Variants in NPNT observed in about 807,000 individuals in gnomAD.
NPNT encodes preosteoblast EGF-like repeat protein with MAM domain.
NPNT carries 45 observed loss-of-function variants against 68.6 expected under a neutral mutation model. The ratio of observed to expected loss-of-function variants is 0.66; its 90% CI spans 0.52 to 0.84. The LOEUF (loss-of-function observed/expected upper bound fraction) is 0.84, where lower values mean the gene tolerates loss of function less well. NPNT is among the 40% of genes least tolerant of loss of function. The pLI is 0.00. For synonymous variants in NPNT, 233 were observed against 253.3 expected (o/e 0.92, Z 0.76); for missense variants, 672 against 714.8 (o/e 0.94, Z 0.68).
At chr4:105,967,138 C>T in intron 10 of NPNT, 50 bp from the exon 11 acceptor site, 3 of 1,548,162 alleles carry the variant, frequency 1.9e-6, no homozygotes, top group Non-Finnish European at 2.7e-6. Flanking sequence ...GCTGCTTGTT[C>T]TAGAAAGGGA....
rs145313103 is a variant in NPNT, at chr4:105,940,725, T to C, written c.763+89T>C. ...TTGCTAGGGAAAATAAGGAATAAGA[T>C]TATCAAAGAAGTATAATTGTCATAA... On this transcript the variant is annotated intron_variant, in intron 7 of 11. Coordinates refer to ENST00000379987, the MANE Select transcript of NPNT (RefSeq NM_001033047.3). 330 of 1,147,930 alleles carry C rather than the reference T, an allele frequency of 2.9e-4. 2 individuals are homozygous for C. In the East Asian group the frequency reaches 7.9e-3, roughly 28 times the overall value. The allele number at this position is 1,147,930 out of a possible 1,614,324, so 71.1% of individuals were successfully genotyped here.
chr4:105,965,207 T>C (rs879669322), intron 10 of NPNT, among the ~76,000 whole-genome samples: 1 of 152,136 alleles, frequency 6.6e-6, no homozygotes, highest in Admixed American at 6.5e-5. Context: ...TGAATGAATG[T>C]TTAATATAAT....
chr4:105,967,585 C>T lies in NPNT; in HGVS notation c.1602+141C>T, dbSNP rs573086387. The T allele has an allele frequency of 1.8e-4, 125 of 689,290 alleles. 1 individual carries two copies. In the African/African-American group the frequency reaches 2.2e-3, roughly 12 times the overall value. The allele number at this position is 689,290 out of a possible 1,614,324, so 42.7% of individuals were successfully genotyped here. A position where few individuals can be genotyped will look rare whatever the true frequency, so the allele number is the denominator to read the frequency against. ...GGTTTTTTTCTGGGCCTGATGACTC[C>T]ATTCAGTGTCTCTTTCTGAAACCAC... is the stretch of plus-strand genomic sequence containing the variant. On this transcript the variant is annotated intron_variant, in intron 11 of 11. Transcript: ENST00000379987.
At chr4:105,931,818 C>T (rs1729134593) in intron 3 of NPNT, among the ~76,000 whole-genome samples, 2 of 151,928 alleles carry the variant, frequency 1.3e-5, no homozygotes, top group Admixed American at 1.3e-4. Context: ...CCAGCCTGGG[C>T]AACAGAGCAA....
At position 105,967,206 on chromosome 4, in the gene NPNT, T is replaced by G. The variant is rs748094356; in HGVS notation, c.1364T>G (p.Val455Gly). The G allele has an allele frequency of 6.8e-6, 11 of 1,613,582 alleles. No homozygotes were observed. The highest frequency in any genetic ancestry group is 9.3e-6 in the Non-Finnish European group (11 of 1,179,962). The change falls in exon 11 of 12, where the codon GTG becomes GGG. Residue 455 changes from valine to glycine, a missense_variant. Physicochemically the swap from Val to Gly is moderately radical, Grantham distance 109. Coordinates refer to ENST00000379987, the MANE Select transcript of NPNT (RefSeq NM_001033047.3). ...ATTCCAGGTGGACAATATCTGACAG[T>G]GTCGGCAGCCAAAGCCCCAGGGGGA... ...RDPAGGQYLT[V>G]SAAKAPGGKA...
chr4:105,937,351 G>T (rs1385118185), intron 4 of NPNT, among the ~76,000 whole-genome samples: 1 of 151,216 alleles, frequency 6.6e-6, no homozygotes, highest in African/African-American at 2.4e-5. Context: ...TTAGGAAATG[G>T]TGTTTAGAAT....
chr4:105,930,689 G>T (rs1428752081), intron 3 of NPNT, among the ~76,000 whole-genome samples: 1 of 152,126 alleles, frequency 6.6e-6, no homozygotes, highest in Non-Finnish European at 1.5e-5. Context: ...GTAGCTTTTG[G>T]TATATGACAA....
chr4:105,908,756 G>C (rs150784368), intron 2 of NPNT, among the ~76,000 whole-genome samples: 239 of 152,064 alleles, frequency 1.6e-3, no homozygotes, highest in African/African-American at 5.4e-3. Flanking sequence ...GCAGAGACAG[G>C]GTTTTACCAT....
rs1053455201 is a variant in NPNT, at chr4:105,970,159, G to A, written c.*1169G>A. 4.0e-6 allele frequency: 2 copies of A among 494,338 alleles called. No homozygotes were observed. The highest frequency in any genetic ancestry group is 1.9e-5 in the African/African-American group (1 of 51,982). The allele number at this position is 494,338 out of a possible 1,614,324, so 30.6% of individuals were successfully genotyped here. On this transcript the variant is annotated 3_prime_UTR_variant, in exon 12 of 12. Coordinates refer to ENST00000379987, the MANE Select transcript of NPNT (RefSeq NM_001033047.3). The stretch of plus-strand genomic sequence containing the variant: ...GTGCTGTGTCAGGATGGGATAGGAA[G>A]CAAGTCCCATGCTTAGAGGCATGGG...
chr4:105,930,343 T>C (rs545065256), intron 3 of NPNT, among the ~76,000 whole-genome samples: 51 of 152,320 alleles, frequency 3.3e-4, no homozygotes, highest in African/African-American at 1.1e-3. Context: ...CTTGAAAGGG[T>C]TCCACCAGTT....
chr4:105,938,294 T>C lies in NPNT; in HGVS notation c.386-7T>C, dbSNP rs1729652651. ...CTGTCTGAGTCAGCCAGTCACTCTC[T>C]TTCCAGGTGCCCTGACCTGCTCCAT... On this transcript the variant is annotated splice_region_variant and splice_polypyrimidine_tract_variant and intron_variant, in intron 4 of 11. Coordinates refer to ENST00000379987, the MANE Select transcript of NPNT (RefSeq NM_001033047.3). 2 of 1,612,114 alleles carry C rather than the reference T, an allele frequency of 1.2e-6. No individual in the cohort carries two copies. The highest frequency in any genetic ancestry group is 2.7e-5 in the African/African-American group (2 of 74,948).
intron 1 of NPNT, 163 bp downstream of exon 1, chr4:105,895,886 TCCGAGTGC>T: frequency 1.6e-6 from 1 of 627,484 alleles, no homozygotes; most frequent in East Asian, 3.0e-5. Context: ...GTCCAGCGGC[TCCGAGTGC>T]CCGCCCGAGG....
At chr4:105,897,852 T>A in intron 1 of NPNT, 49 bp from the exon 2 acceptor site, 1 of 1,450,350 alleles carries the variant, frequency 6.9e-7, no homozygotes, top group Non-Finnish European at 9.7e-7. Flanking sequence ...GGAAATTACC[T>A]TTCTTCTCAA....
At chr4:105,963,709 C>T (rs555231374) in intron 10 of NPNT, among the ~76,000 whole-genome samples, 29 of 151,172 alleles carry the variant, frequency 1.9e-4, no homozygotes, top group East Asian at 3.9e-4. Context: ...ACTGACTCAG[C>T]ACTCTGTCTG....
chr4:105,958,411 C>A, intron 8 of NPNT, 60 bp from the exon 9 acceptor site: 1 of 913,122 alleles, frequency 1.1e-6, no homozygotes, highest in Non-Finnish European at 1.8e-6. Flanking sequence ...AAAGGTAATG[C>A]CTCTTTATCA....
rs577444227 is a variant in NPNT at position 105,937,665 on chromosome 4, T to A, written c.385+537T>A. On this transcript the variant is annotated intron_variant, in intron 4 of 11. Coordinates refer to ENST00000379987, the MANE Select transcript of NPNT (RefSeq NM_001033047.3). ...TCAAATAAAAAATAAATGAATATGA[T>A]ACCAGAAAAGTAGGATTCATGTTTA... 3.2e-4 allele frequency among the ~76,000 whole-genome samples: 49 copies of A among 152,304 alleles called. 1 individual carries two copies. The South Asian group carries it at 9.9e-3, about 31-fold the overall frequency.
rs555184456 is a variant in NPNT at position 105,957,230 on chromosome 4, C to A, written c.1160-1241C>A. On this transcript the variant is annotated intron_variant, in intron 8 of 11. Coordinates refer to ENST00000379987, the MANE Select transcript of NPNT (RefSeq NM_001033047.3). ...ATGATGTCTTCCTTCCTAACTCTTA[C>A]CAAAATCTCAAATTACAGCACTCGT... is the stretch of plus-strand genomic sequence containing the variant. Among the ~76,000 whole-genome samples, 11 of 152,224 alleles carry A rather than the reference C, an allele frequency of 7.2e-5. No individual in the cohort carries two copies. In the East Asian group the frequency reaches 1.9e-3, roughly 27 times the overall value.
intron 2 of NPNT, among the ~76,000 whole-genome samples, chr4:105,902,177 G>C (rs1726474213): frequency 6.6e-6 from 1 of 152,104 alleles, no homozygotes; most frequent in Non-Finnish European, 1.5e-5. Flanking sequence ...TGATTATTTG[G>C]ATTTTGAATA....
intron 2 of NPNT, among the ~76,000 whole-genome samples, chr4:105,906,136 G>A (rs185492981): frequency 1.6e-4 from 24 of 152,252 alleles, no homozygotes; most frequent in Admixed American, 1.6e-3. Flanking sequence ...GTAAGCCATA[G>A]GATCCTACAT....
Sources: allele counts gnomAD v4.1 joint callset (sites outside exome capture counted in the v4.1 genomes callset), GRCh38; gene constraint gnomAD v4.1.1; transcripts MANE v1.5; gene names NCBI Gene and HGNC (gene_info 2026-07-23, HGNC 2026-07-21).